The following PLCB1 variants were observed in gnomAD, a reference collection of about 807,000 sequenced individuals.
PLCB1 encodes the protein 1-phosphatidylinositol 4,5-bisphosphate phosphodiesterase beta-1.
PLCB1 carries 46 observed loss-of-function variants against 161.8 expected under a neutral mutation model. That is an observed-to-expected ratio of 0.28 (90% confidence interval 0.22 to 0.36). The LOEUF is 0.36. PLCB1 is among the 10% of genes least tolerant of loss of function. The pLI, the probability that PLCB1 is intolerant of heterozygous loss-of-function variation, is 1.00. For synonymous variants in PLCB1, 517 were observed against 503.7 expected, an observed-to-expected ratio of 1.03 and a Z score of -0.35; for missense variants, 1,016 against 1,472.5, an observed-to-expected ratio of 0.69 and a Z score of 5.07.
At position 8,376,893 on chromosome 20, in the gene PLCB1, C is replaced by A. The variant is rs1057247002; in HGVS notation, c.246+5443C>A. Among the ~76,000 whole-genome samples the A allele has an allele frequency of 1.5e-4, 22 of 151,676 alleles. 1 individual carries two copies. Among genetic ancestry groups the A allele is most frequent in the South Asian group, 4.2e-4 (2 of 4,786 alleles). ...CAGTGAGCCAAGATCACACCACTGC[C>A]CTCCAGCCTGGGCGACAGAGCGAGA... On this transcript the variant is annotated intron_variant, in intron 3 of 31. Transcript: ENST00000338037.
chr20:8,418,935 T>G (rs538403211), intron 3 of PLCB1, among the ~76,000 whole-genome samples: 5 of 152,298 alleles, frequency 3.3e-5, no homozygotes, highest in Admixed American at 1.3e-4. Flanking sequence ...CTGAGGTTTC[T>G]TACAGTCCCA....
intron 3 of PLCB1, among the ~76,000 whole-genome samples, chr20:8,535,026 A>G (rs1984985621): frequency 6.6e-6 from 1 of 151,756 alleles, no homozygotes; most frequent in Non-Finnish European, 1.5e-5. Context: ...CAGTCTAGAA[A>G]GATATCTTCA....
intron 2 of PLCB1, among the ~76,000 whole-genome samples, chr20:8,157,032 C>G (rs1189680821): frequency 6.6e-6 from 1 of 152,156 alleles, no homozygotes; most frequent in Non-Finnish European, 1.5e-5. Context: ...TATTTAGACT[C>G]TGCTGTGGTC....
intron 31 of PLCB1, chr20:8,802,104 T>C: frequency 6.2e-7 from 1 of 1,613,352 alleles, no homozygotes; most frequent in Non-Finnish European, 8.5e-7. Context: ...TGAGGATCCC[T>C]CTGTTTCCCC....
chr20:8,857,863 C>T (rs929477677), intron 31 of PLCB1, among the ~76,000 whole-genome samples: 1 of 152,044 alleles, frequency 6.6e-6, no homozygotes, highest in Non-Finnish European at 1.5e-5. Context: ...TGCCTTTAGC[C>T]ACATGTTCCT....
intron 26 of PLCB1, among the ~76,000 whole-genome samples, chr20:8,772,971 T>C (rs1422223537): frequency 2.6e-5 from 4 of 152,170 alleles, no homozygotes; most frequent in African/African-American, 9.7e-5. Context: ...TAATTCAATG[T>C]TAACTATGTC....
intron 2 of PLCB1, among the ~76,000 whole-genome samples, chr20:8,301,968 C>A (rs1410392872): frequency 6.6e-6 from 1 of 152,196 alleles, no homozygotes; most frequent in Non-Finnish European, 1.5e-5. Context: ...ATCCTTTTGC[C>A]TCAACTGCTT....
At chr20:8,382,205 A>G (rs558289598) in intron 3 of PLCB1, among the ~76,000 whole-genome samples, 7 of 149,924 alleles carry the variant, frequency 4.7e-5, no homozygotes, top group Non-Finnish European at 8.9e-5. Context: ...CCTTAATTTC[A>G]TTATTTACCC....
intron 3 of PLCB1, among the ~76,000 whole-genome samples, chr20:8,531,840 T>C (rs1253387453): frequency 6.6e-6 from 1 of 152,112 alleles, no homozygotes; most frequent in African/African-American, 2.4e-5. Context: ...TTGTTTCCAC[T>C]CATCCAAAAG....
chr20:8,750,749 A>G (rs1981415044), intron 23 of PLCB1: 3 of 837,506 alleles, frequency 3.6e-6, no homozygotes, highest in African/African-American at 1.8e-5. Flanking sequence ...GCTCCTCCTT[A>G]AGGGAAAGGC....
intron 7 of PLCB1, among the ~76,000 whole-genome samples, chr20:8,653,888 T>C (rs1294886859): frequency 1.3e-5 from 2 of 152,064 alleles, no homozygotes; most frequent in East Asian, 3.9e-4. Flanking sequence ...TGTAACCTCC[T>C]AGCACTTGTG....
intron 31 of PLCB1, among the ~76,000 whole-genome samples, chr20:8,801,558 C>G (rs1984282685): frequency 6.6e-6 from 1 of 152,166 alleles, no homozygotes. Flanking sequence ...TGCCATATAG[C>G]TGGTGTCCAA....
chr20:8,782,853 T>C (rs1020580070), intron 27 of PLCB1, among the ~76,000 whole-genome samples: 1 of 152,244 alleles, frequency 6.6e-6, no homozygotes, highest in African/African-American at 2.4e-5. Context: ...ATGAATATTC[T>C]AGACTTGGCT....
intron 3 of PLCB1, among the ~76,000 whole-genome samples, chr20:8,396,856 G>T (rs1010206696): frequency 1.3e-5 from 2 of 151,994 alleles, no homozygotes; most frequent in Non-Finnish European, 2.9e-5. Flanking sequence ...TTTATCAGTT[G>T]TATAGCTGAA....
exon 32 of PLCB1, chr20:8,884,897 A>ACAAC (rs1287432376): frequency 2.0e-5 from 3 of 152,612 alleles, no homozygotes; most frequent in African/African-American, 7.2e-5. Context: ...ATTTCTTAAC[A>ACAAC]CAACCCAGCG....
chr20:8,191,629 G>C (rs905369001), intron 2 of PLCB1, among the ~76,000 whole-genome samples: 2 of 151,960 alleles, frequency 1.3e-5, no homozygotes, highest in African/African-American at 4.8e-5. Context: ...GAAAATGAAT[G>C]ACTACTATTC....
intron 20 of PLCB1, 95 bp from the exon 21 acceptor site, chr20:8,739,166 A>T: frequency 1.2e-6 from 1 of 824,488 alleles, no homozygotes; most frequent in South Asian, 1.4e-5. Flanking sequence ...AAGAAAGAGA[A>T]AAGAAAAGCT....
chr20:8,296,425 G>GACAC (rs1983633290), intron 2 of PLCB1, among the ~76,000 whole-genome samples: 1 of 152,134 alleles, frequency 6.6e-6, no homozygotes, highest in Non-Finnish European at 1.5e-5. Flanking sequence ...GGGGAACAAG[G>GACAC]ACAAGTATAT....
chr20:8,307,748 CCT>C (rs1183802588), intron 2 of PLCB1, among the ~76,000 whole-genome samples: 2 of 151,826 alleles, frequency 1.3e-5, no homozygotes, highest in Non-Finnish European at 2.9e-5. Flanking sequence ...ATGGTAAAAC[CCT>C]GTCTCTACTA....
Sources: gnomAD v4.1 joint callset for allele counts (sites outside exome capture counted in the v4.1 genomes callset) on GRCh38, gnomAD v4.1.1 for gene constraint, MANE v1.5 for transcripts, NCBI Gene and HGNC (gene_info 2026-07-23, HGNC 2026-07-21) for gene names.